The following ATAD3B variants were observed in gnomAD, a reference collection of about 807,000 sequenced individuals.
ATAD3B encodes the protein ATPase family AAA domain containing 3B, also known as ATPase family AAA domain-containing protein 3B.
In ATAD3B, 59 loss-of-function variants were observed where a neutral mutation model predicts 70.2. That is an observed-to-expected ratio of 0.84 (90% confidence interval 0.68 to 1.04). The LOEUF is 1.04. Among genes scored for constraint, ATAD3B ranks in the 50% least tolerant of loss-of-function variants. The probability of loss-of-function intolerance (pLI) is 0.00; values close to 1 mark genes in which losing one functional copy is unlikely to be tolerated. For synonymous variants in ATAD3B, 423 were observed against 388.6 expected (o/e 1.09, Z -1.04); for missense variants, 961 against 913.4 (o/e 1.05, Z -0.67).
downstream of ATAD3B, among the ~76,000 whole-genome samples, chr1:1,502,320 T>C (rs1256311047): frequency 6.6e-6 from 1 of 151,516 alleles, no homozygotes; most frequent in East Asian, 2.0e-4. Flanking sequence ...GTTCACGCCA[T>C]TCTCCTGCTT....
chr1:1,500,205 A>G (rs1182292198), downstream of ATAD3B, among the ~76,000 whole-genome samples: 1 of 144,656 alleles, frequency 6.9e-6, no homozygotes, highest in Non-Finnish European at 1.5e-5. Flanking sequence ...GCCTACACTG[A>G]TAACTTATAG....
the ATAD3B span, among the ~76,000 whole-genome samples, chr1:1,508,353 C>T: frequency 1.3e-5 from 2 of 151,312 alleles, no homozygotes; most frequent in African/African-American, 2.5e-5. Flanking sequence ...CAGGTTCTAT[C>T]GTGGCGACGG....
intron 13 of ATAD3B, 21 bp from the exon 14 acceptor site, chr1:1,490,236 T>C: frequency 6.2e-7 from 1 of 1,604,426 alleles, no homozygotes; most frequent in Non-Finnish European, 8.5e-7. Flanking sequence ...CAGCGTTTCC[T>C]TCCCCATCCC....
At chr1:1,504,949 T>TGC in the ATAD3B span, among the ~76,000 whole-genome samples, 40 of 150,800 alleles carry the variant, frequency 2.7e-4, no homozygotes, top group African/African-American at 8.1e-4. Context: ...TGTGTGTGTG[T>TGC]GCGCGCCAGG....
rs1639342944 is a variant in ATAD3B, at chr1:1,471,899, C to T, written c.15C>T (p.Phe5=). 7.8e-7 allele frequency: 1 copy of T among 1,274,428 alleles called. No homozygotes were observed. Among genetic ancestry groups the T allele is most frequent in the Non-Finnish European group, 9.9e-7 (1 of 1,005,228 alleles). 78.9% of individuals were successfully genotyped at this position (1,274,428 alleles called of 1,614,324 possible). Residue 5 remains phenylalanine (F), a synonymous_variant, in exon 1 of 16, where the codon TTC becomes TTT. Coordinates refer to ENST00000673477, the MANE Select transcript of ATAD3B (RefSeq NM_031921.6). The part of the protein sequence containing the change: MSWL[F]GVNKGPKGEG... ...GCGGTGCGAGCATGTCGTGGCTCTT[C>T]GGCGTTAACAAGGGCCCCAAGGGTG... is the stretch of plus-strand genomic sequence containing the variant.
downstream of ATAD3B, among the ~76,000 whole-genome samples, chr1:1,498,660 G>A (rs1248514395): frequency 8.6e-5 from 13 of 151,238 alleles, no homozygotes; most frequent in Admixed American, 4.6e-4. Flanking sequence ...CTCCTGCCTC[G>A]GCCTCCCAAA....
chr1:1,493,462 G>C (rs1640634332), intron 15 of ATAD3B, among the ~76,000 whole-genome samples: 1 of 151,532 alleles, frequency 6.6e-6, no homozygotes, highest in Non-Finnish European at 1.5e-5. Context: ...TTGGTGGGGG[G>C]ACCAGTCTCG....
downstream of ATAD3B, among the ~76,000 whole-genome samples, chr1:1,498,518 G>A (rs1228392746): frequency 2.0e-5 from 3 of 151,768 alleles, no homozygotes; most frequent in African/African-American, 4.8e-5. Flanking sequence ...ATGGCGAGGG[G>A]TGGGGATGGG....
the ATAD3B span, among the ~76,000 whole-genome samples, chr1:1,507,744 G>C: frequency 6.6e-6 from 1 of 152,240 alleles, no homozygotes; most frequent in Non-Finnish European, 1.5e-5. Context: ...CCAGGAGTTT[G>C]AGGAGTGCTC....
At chr1:1,502,621 C>T (rs1640969817), downstream of ATAD3B, among the ~76,000 whole-genome samples, 1 of 150,350 alleles carries the variant, frequency 6.7e-6, no homozygotes, top group Non-Finnish European at 1.5e-5. Context: ...AAGTGATTCT[C>T]CAGCCTCAGC....
In ATAD3B at chr1:1,484,968, G is replaced by T. The variant is rs1473732425; in HGVS notation, c.751-48G>T. 5.1e-6 allele frequency: 8 copies of T among 1,573,892 alleles called. No homozygotes were observed. The East Asian group carries it at 1.4e-4, about 27-fold the overall frequency. ...GCCCCGTGCGTCTCCTGCTCTAGGA[G>T]GGAGGGACGGTGGGGGCCGGTGCGC... On this transcript the variant is annotated intron_variant, in intron 7 of 15. Transcript: ENST00000673477.
intron 15 of ATAD3B, among the ~76,000 whole-genome samples, chr1:1,491,733 G>A (rs560611909): frequency 3.3e-5 from 5 of 152,092 alleles, no homozygotes; most frequent in East Asian, 1.9e-4. Context: ...TGATTTGAAC[G>A]TAGGAGCCGG....
In ATAD3B at chr1:1,474,842, G is replaced by C. The variant is rs149545799; in HGVS notation, c.206-2432G>C. ...ACGATCAGGTTAGGATGGGAATCAA[G>C]GGCTGGACTTCAGGGCACCTCGGAG... On this transcript the variant is annotated intron_variant, in intron 1 of 15. Transcript: ENST00000673477. 6.6e-4 allele frequency among the ~76,000 whole-genome samples: 100 copies of C among 151,682 alleles called. No homozygotes were observed. The East Asian group carries it at 0.019, about 29-fold the overall frequency.
intron 2 of ATAD3B, chr1:1,478,222 C>A (rs919535968): frequency 2.1e-6 from 1 of 466,430 alleles, no homozygotes; most frequent in African/African-American, 2.0e-5. Flanking sequence ...GTCTTGAACT[C>A]CTGACCTCAG....
At chr1:1,483,329 A>T (rs1640025710) in intron 7 of ATAD3B, among the ~76,000 whole-genome samples, 1 of 151,520 alleles carries the variant, frequency 6.6e-6, no homozygotes, top group Non-Finnish European at 1.5e-5. Flanking sequence ...TAGCAGGCCA[A>T]GGTGGCGTGC....
rs112324286 is a variant in ATAD3B at position 1,497,508 on chromosome 1, C to T, written c.*1691C>T. The T allele has an allele frequency of 2.7e-5, 4 of 150,352 alleles. No homozygotes were observed. Among genetic ancestry groups the T allele is most frequent in the African/African-American group, 9.9e-5 (4 of 40,606 alleles). 9.3% of individuals were successfully genotyped at this position (150,352 alleles called of 1,614,324 possible). On this transcript the variant is annotated 3_prime_UTR_variant, in exon 16 of 16. Coordinates refer to ENST00000673477, the MANE Select transcript of ATAD3B (RefSeq NM_031921.6). ...TACAGGATGAGCCACCAAGCCTGGC[C>T]TCAATTCCTCTTTAAAGGAATTGCC...
At chr1:1,501,410 A>G (rs1232523928), downstream of ATAD3B, among the ~76,000 whole-genome samples, 6 of 152,002 alleles carry the variant, frequency 3.9e-5, no homozygotes, top group Admixed American at 3.9e-4. Flanking sequence ...GCCTGCCACC[A>G]CGCCCAGCTA....
intron 15 of ATAD3B, among the ~76,000 whole-genome samples, chr1:1,493,522 G>A (rs1206394277): frequency 6.6e-6 from 1 of 151,652 alleles, no homozygotes; most frequent in Non-Finnish European, 1.5e-5. Context: ...TCACCATGTT[G>A]GCCAGGCTGG....
At chr1:1,503,303 G>C in the ATAD3B span, 1 of 399,410 alleles carries the variant, frequency 2.5e-6, no homozygotes, top group Non-Finnish European at 4.7e-6. Flanking sequence ...GTGTTGAATT[G>C]GGCAAGAGCC....
Sources: allele counts gnomAD v4.1 joint callset (sites outside exome capture counted in the v4.1 genomes callset), GRCh38; gene constraint gnomAD v4.1.1; transcripts MANE v1.5; gene names NCBI Gene and HGNC (gene_info 2026-07-23, HGNC 2026-07-21).